The following CALN1 variants were observed in gnomAD, a reference collection of about 807,000 sequenced individuals.
CALN1 encodes calneuron 1.
In CALN1, 17 loss-of-function variants were observed where a neutral mutation model predicts 30.6. That is an observed-to-expected ratio of 0.56 (90% CI 0.38 to 0.83). CALN1 has a LOEUF of 0.83. Among genes scored for constraint, CALN1 ranks in the 40% least tolerant of loss-of-function variants. CALN1 has a pLI of 0.00. For missense variants in CALN1, 291 were observed against 354.9 expected (o/e 0.82, Z 1.45); for synonymous variants, 156 against 131.4 (o/e 1.19, Z -1.28).
intron 5 of CALN1, among the ~76,000 whole-genome samples, chr7:71,974,176 G>T (rs1442933516): frequency 6.6e-6 from 1 of 152,064 alleles, no homozygotes; most frequent in African/African-American, 2.4e-5. Context: ...CCAGCACTTT[G>T]GGAGGCCGAG....
At chr7:71,963,926 G>A (rs947220799) in intron 5 of CALN1, among the ~76,000 whole-genome samples, 4 of 152,186 alleles carry the variant, frequency 2.6e-5, no homozygotes, top group African/African-American at 9.7e-5. Flanking sequence ...AAGTTTGGCT[G>A]AGGAATTCAT....
chr7:72,200,009 C>T (rs1293801107), intron 3 of CALN1, among the ~76,000 whole-genome samples: 1 of 152,150 alleles, frequency 6.6e-6, no homozygotes, highest in Non-Finnish European at 1.5e-5. Flanking sequence ...TCTACTATGC[C>T]CCCTTCAATC....
At chr7:71,844,612 G>T (rs937452467) in intron 5 of CALN1, among the ~76,000 whole-genome samples, 1 of 152,142 alleles carries the variant, frequency 6.6e-6, no homozygotes, top group Non-Finnish European at 1.5e-5. Flanking sequence ...CTTTTAAGAT[G>T]ATGGAAAGGA....
chr7:72,379,168 C>G (rs6973603), intron 2 of CALN1, among the ~76,000 whole-genome samples: 1 of 151,848 alleles, frequency 6.6e-6, no homozygotes, highest in East Asian at 1.9e-4. Flanking sequence ...CTTGCTCTGT[C>G]ACACAAACTG....
At chr7:72,423,123 GA>G (rs1562963434) in intron 1 of CALN1, among the ~76,000 whole-genome samples, 1 of 149,408 alleles carries the variant, frequency 6.7e-6, no homozygotes, top group Non-Finnish European at 1.5e-5. Context: ...AAAAAAAAAA[GA>G]AAAAGAAAAT....
chr7:72,136,472 T>C (rs1809521702), intron 3 of CALN1, among the ~76,000 whole-genome samples: 1 of 152,228 alleles, frequency 6.6e-6, no homozygotes, highest in South Asian at 2.1e-4. Flanking sequence ...GCTGGTTTAA[T>C]TTTCTATCCA....
Position 72,121,291 on chromosome 7 carries a change from TTA to T in CALN1, c.245-14999_245-14998del, listed in dbSNP as rs571392499. ...TCTATATTATATAATAATATATAAATTATATAATTTATAAATTAAGTGAATAT... is the reference window on the plus strand; with the variant it reads ...TCTATATTATATAATAATATATAAATTATAATTTATAAATTAAGTGAATAT... On this transcript the variant is annotated intron_variant, in intron 3 of 6. Coordinates refer to ENST00000395275, the MANE Select transcript of CALN1 (RefSeq NM_031468.4). 6.7e-3 allele frequency among the ~76,000 whole-genome samples: 961 copies of T among 143,148 alleles called. 13 individuals are homozygous for T. The highest frequency in any genetic ancestry group is 0.022 in the African/African-American group (881 of 39,436). The allele number at this position is 143,148 out of a possible 152,430, so 93.9% of individuals were successfully genotyped here.
chr7:72,326,602 G>T (rs1585497158), intron 2 of CALN1, among the ~76,000 whole-genome samples: 2 of 152,316 alleles, frequency 1.3e-5, no homozygotes, highest in African/African-American at 4.8e-5. Context: ...AGATGTTTGA[G>T]GTTTTCTTAC....
chr7:72,376,535 T>A (rs949972729), intron 2 of CALN1, among the ~76,000 whole-genome samples: 1 of 152,188 alleles, frequency 6.6e-6, no homozygotes, highest in African/African-American at 2.4e-5. Flanking sequence ...CTACTCTAAT[T>A]ATTTGTCCTT....
At chr7:72,339,907 T>A (rs1228338347) in intron 2 of CALN1, among the ~76,000 whole-genome samples, 1 of 152,180 alleles carries the variant, frequency 6.6e-6, no homozygotes, top group African/African-American at 2.4e-5. Flanking sequence ...TTATGGGAGC[T>A]ACAAGTCAAG....
chr7:72,315,783 T>C (rs1398598481), intron 2 of CALN1, among the ~76,000 whole-genome samples: 2 of 152,128 alleles, frequency 1.3e-5, no homozygotes, highest in East Asian at 1.9e-4. Flanking sequence ...CCTCTTTTCA[T>C]TGCTGCTGGA....
intron 4 of CALN1, among the ~76,000 whole-genome samples, chr7:72,028,524 GA>G (rs1377679747): frequency 6.6e-6 from 1 of 152,228 alleles, no homozygotes; most frequent in African/African-American, 2.4e-5. Flanking sequence ...AAGCGATGGA[GA>G]AGGGCACTCA....
chr7:72,241,413 A>G (rs1342182970), intron 3 of CALN1, among the ~76,000 whole-genome samples: 3 of 152,162 alleles, frequency 2.0e-5, no homozygotes, highest in Admixed American at 6.6e-5. Flanking sequence ...TTACTTAAAC[A>G]AAAAAGGTTC....
chr7:72,081,063 G>A (rs936201517), intron 4 of CALN1, among the ~76,000 whole-genome samples: 4 of 152,036 alleles, frequency 2.6e-5, no homozygotes, highest in Non-Finnish European at 5.9e-5. Flanking sequence ...CTCACTTTTC[G>A]CAATTGATCA....
chr7:72,397,400 G>A (rs1474819059), intron 2 of CALN1, among the ~76,000 whole-genome samples: 4 of 152,130 alleles, frequency 2.6e-5, no homozygotes, highest in African/African-American at 9.7e-5. Context: ...GGTCACAGGA[G>A]TTGAAGTTGA....
At chr7:72,475,941 C>CTCTTTTTT in the CALN1 span, among the ~76,000 whole-genome samples, 10 of 75,850 alleles carry the variant, frequency 1.3e-4, no homozygotes, top group African/African-American at 5.1e-4. Context: ...CTCTCTCTCT[C>CTCTTTTTT]TTTTTTTTTT....
intron 2 of CALN1, among the ~76,000 whole-genome samples, chr7:72,331,382 G>A (rs1801666604): frequency 6.6e-6 from 1 of 152,054 alleles, no homozygotes; most frequent in Non-Finnish European, 1.5e-5. Flanking sequence ...AAAGAAAAAG[G>A]AGGAGGAAAA....
chr7:72,349,834 T>C (rs572520348), intron 2 of CALN1, among the ~76,000 whole-genome samples: 2 of 152,328 alleles, frequency 1.3e-5, no homozygotes, highest in East Asian at 3.9e-4. Context: ...TTCTGGATAT[T>C]AGCCCTTTGA....
intron 5 of CALN1, among the ~76,000 whole-genome samples, chr7:71,950,915 C>T (rs1020951018): frequency 2.0e-5 from 3 of 152,188 alleles, no homozygotes; most frequent in African/African-American, 7.2e-5. Flanking sequence ...CCGGCTCCAC[C>T]CTGTCATTCC....
Sources: gnomAD v4.1 joint callset for allele counts (sites outside exome capture counted in the v4.1 genomes callset) on GRCh38, gnomAD v4.1.1 for gene constraint, MANE v1.5 for transcripts, NCBI Gene and HGNC (gene_info 2026-07-23, HGNC 2026-07-21) for gene names.